Variants in WDR64 observed in about 807,000 individuals in gnomAD.
WDR64 encodes the protein WD repeat-containing protein 64.
Under a neutral mutation model 139.3 loss-of-function variants are expected in WDR64, and 112 were observed. That is an observed-to-expected ratio of 0.80 (90% CI 0.69 to 0.94). The LOEUF (loss-of-function observed/expected upper bound fraction) is 0.94. Ranked by LOEUF, WDR64 falls within the 40% of genes least tolerant of loss-of-function variation. The probability of loss-of-function intolerance (pLI) is 0.00; values close to 1 mark genes in which losing one functional copy is unlikely to be tolerated. For synonymous variants in WDR64, 444 were observed against 437.7 expected (o/e 1.01, Z -0.18); for missense variants, 1,206 against 1,293.1 (o/e 0.93, Z 1.03).
intron 14 of WDR64, among the ~76,000 whole-genome samples, chr1:241,756,955 A>G (rs901118661): frequency 1.3e-5 from 2 of 152,246 alleles, no homozygotes; most frequent in Admixed American, 6.5e-5. Context: ...GTGAAATAAG[A>G]AAGTTGAAGA....
intron 8 of WDR64, among the ~76,000 whole-genome samples, chr1:241,692,630 G>A (rs949648954): frequency 6.6e-6 from 1 of 152,198 alleles, no homozygotes; most frequent in Non-Finnish European, 1.5e-5. Context: ...CCAAGAGAAT[G>A]AGAAGACAAG....
At chr1:241,655,416 T>G (rs2148048429) in intron 1 of WDR64, among the ~76,000 whole-genome samples, 1 of 152,266 alleles carries the variant, frequency 6.6e-6, no homozygotes, top group South Asian at 2.1e-4. Flanking sequence ...ATAGTCTTTT[T>G]GCCAAGTTAA....
Position 241,687,555 on chromosome 1 carries a change from T to C in WDR64, c.934T>C (p.Ser312Pro). Reference sequence around the variant, plus strand: ...ATCCTGCTCCTTAGACAGTAATCATTCATTAGTTTTGGAATCCTTGAAGAG... The same window carrying C: ...ATCCTGCTCCTTAGACAGTAATCATCCATTAGTTTTGGAATCCTTGAAGAG... ...FGSCSLDSNH[S>P]LVLESLKRLE... The change falls in exon 8 of 28, where the codon TCA becomes CCA. Residue 312 changes from serine (S) to proline (P), a missense_variant. By Grantham distance (74) the Ser-to-Pro change is moderately conservative. Transcript: ENST00000437684. The C allele has an allele frequency of 6.2e-7, 1 of 1,612,180 alleles. No individual in the cohort carries two copies. Among genetic ancestry groups the C allele is most frequent in the Middle Eastern group, 1.6e-4 (1 of 6,062 alleles).
chr1:241,660,836 G>T (rs1235074669), intron 2 of WDR64, 176 bp downstream of exon 2: 2 of 642,098 alleles, frequency 3.1e-6, no homozygotes. Flanking sequence ...AGTGGGTAAA[G>T]TAGGTAACTA....
rs1558480914 is a variant in WDR64 at position 241,703,728 on chromosome 1, A to C, written c.975-8074A>C. On this transcript the variant is annotated intron_variant, in intron 8 of 27. Coordinates refer to ENST00000437684, the MANE Select transcript of WDR64 (RefSeq NM_001367482.1). The surrounding 1 kb of genome is among the most constrained non-coding windows in gnomAD (Gnocchi z 5.9). ...CACTGCTATAAAGATACTATCTGAG[A>C]CTCAATAATTTGTAAAGGAAAGAGG... is the stretch of plus-strand genomic sequence containing the variant. Among the ~76,000 whole-genome samples the C allele has an allele frequency of 6.6e-6, 1 of 152,140 alleles. No homozygotes were observed. The highest frequency in any genetic ancestry group is 2.1e-4 in the South Asian group (1 of 4,816).
chr1:241,719,243 A>T (rs1225602467), intron 9 of WDR64, among the ~76,000 whole-genome samples: 1 of 152,148 alleles, frequency 6.6e-6, no homozygotes, highest in Non-Finnish European at 1.5e-5. Flanking sequence ...GCTGTGATTC[A>T]TCATCCCAAC....
intron 7 of WDR64, among the ~76,000 whole-genome samples, chr1:241,686,751 C>T (rs1033301502): frequency 1.3e-5 from 2 of 152,190 alleles, no homozygotes; most frequent in African/African-American, 2.4e-5. Context: ...TCAGATTTTA[C>T]ATTGCCCAGT....
Position 241,711,792 on chromosome 1 carries a change from TGTTTTCCAGGCCTGTCAGAGA to T in WDR64, c.975-1_994del, listed in dbSNP as rs773352309. On this transcript the variant is annotated splice_acceptor_variant and splice_polypyrimidine_tract_variant and coding_sequence_variant and intron_variant, in exon 9 of 28. Coordinates refer to ENST00000437684, the MANE Select transcript of WDR64 (RefSeq NM_001367482.1). LOFTEE classifies it high-confidence loss of function. ...ATATATATGTTTTCCATCTAATTTGTGTTTTCCAGGCCTGTCAGAGAGTTTTCCATGCCAAGAGGAGCCAAC... is the reference window on the plus strand; with the variant it reads ...ATATATATGTTTTCCATCTAATTTGTGTTTTCCATGCCAAGAGGAGCCAAC... 5 of 1,613,916 alleles carry T rather than the reference TGTTTTCCAGGCCTGTCAGAGA, an allele frequency of 3.1e-6. No homozygotes were observed. Among genetic ancestry groups the T allele is most frequent in the Non-Finnish European group, 3.4e-6 (4 of 1,179,790 alleles).
Position 241,741,550 on chromosome 1 carries a change from G to C in WDR64, c.1356G>C (p.Arg452Ser). The C allele has an allele frequency of 6.2e-7, 1 of 1,612,668 alleles. No homozygotes were observed. The highest frequency in any genetic ancestry group is 8.5e-7 in the Non-Finnish European group (1 of 1,179,592). The change falls in exon 12 of 28, where the codon AGG (arginine) becomes AGC (serine). Residue 452 changes from arginine (R) to serine (S), a missense_variant. Physicochemically the swap from Arg to Ser is moderately radical, Grantham distance 110. Coordinates refer to ENST00000437684, the MANE Select transcript of WDR64 (RefSeq NM_001367482.1). ...TTATGGACATGTATCCTTTGACTAG[G>C]ATGATACAAGATACAAAACAGGTTC... ...SSVMDMYPLT[R>S]MIQDTKQVPH... is the part of the protein sequence containing the mutation.
At position 241,757,277 on chromosome 1, in the gene WDR64, T is replaced by G. The variant is rs1670229565; in HGVS notation, c.1771-6T>G. 4.4e-6 allele frequency: 7 copies of G among 1,607,750 alleles called. No homozygotes were observed. Among genetic ancestry groups the G allele is most frequent in the Non-Finnish European group, 5.9e-6 (7 of 1,177,848 alleles). Reference sequence around the variant, plus strand: ...TTTTCATGCACTCACTGGATTTCTGTTAAAGGGTAAGGAAGATGATATCTA... The same window carrying G: ...TTTTCATGCACTCACTGGATTTCTGGTAAAGGGTAAGGAAGATGATATCTA... On this transcript the variant is annotated splice_region_variant and splice_polypyrimidine_tract_variant and intron_variant, in intron 14 of 27. Transcript: ENST00000437684.
At chr1:241,735,726 A>G (rs1669282226) in intron 10 of WDR64, among the ~76,000 whole-genome samples, 1 of 150,720 alleles carries the variant, frequency 6.6e-6, no homozygotes, top group Non-Finnish European at 1.5e-5. Context: ...GTAGAAACAG[A>G]GTTTTACCAT....
At chr1:241,678,969 TTC>T (rs1666669738) in intron 5 of WDR64, among the ~76,000 whole-genome samples, 1 of 151,716 alleles carries the variant, frequency 6.6e-6, no homozygotes, top group Non-Finnish European at 1.5e-5. Context: ...AAATGGAAGC[TTC>T]TGTTTCTGTT....
intron 9 of WDR64, among the ~76,000 whole-genome samples, chr1:241,718,957 C>T (rs1046522330): frequency 5.3e-5 from 8 of 152,080 alleles, no homozygotes; most frequent in Admixed American, 4.6e-4. Flanking sequence ...CCCAAAGGCC[C>T]CCCATTTCCA....
chr1:241,746,785 T>A (rs1344530999), intron 13 of WDR64, among the ~76,000 whole-genome samples: 4 of 142,256 alleles, frequency 2.8e-5, no homozygotes, highest in African/African-American at 1.1e-4. Context: ...TGTGATGGAG[T>A]CTTGCTTTGT....
chr1:241,784,539 C>T (rs1157766512), intron 23 of WDR64, among the ~76,000 whole-genome samples: 3 of 152,056 alleles, frequency 2.0e-5, no homozygotes. Flanking sequence ...ATACAGGGCT[C>T]TAAAAGAGGA....
intron 4 of WDR64, among the ~76,000 whole-genome samples, chr1:241,675,248 C>A (rs1296367011): frequency 2.4e-5 from 3 of 123,974 alleles, no homozygotes; most frequent in Non-Finnish European, 3.4e-5. Context: ...TTCCTCCCTC[C>A]TTCCTTCCTC....
chr1:241,770,290 G>T (rs1044544948), intron 17 of WDR64, among the ~76,000 whole-genome samples: 7 of 152,218 alleles, frequency 4.6e-5, no homozygotes, highest in Admixed American at 3.9e-4. Context: ...GGCTTGTAAG[G>T]TCCCCCCACC....
intron 15 of WDR64, among the ~76,000 whole-genome samples, chr1:241,760,128 A>G (rs898613266): frequency 1.3e-5 from 2 of 152,214 alleles, no homozygotes; most frequent in African/African-American, 4.8e-5. Context: ...ATCAATGGAT[A>G]CTTGGGTTGC....
At chr1:241,664,658 A>G (rs899242939) in intron 2 of WDR64, among the ~76,000 whole-genome samples, 2 of 152,136 alleles carry the variant, frequency 1.3e-5, no homozygotes, top group African/African-American at 4.8e-5. Flanking sequence ...TTCCCTTTCT[A>G]GCTAGAACAT....
Sources: allele counts gnomAD v4.1 joint callset (sites outside exome capture counted in the v4.1 genomes callset), GRCh38; gene constraint gnomAD v4.1.1; non-coding constraint Gnocchi (gnomAD v3.1); transcripts MANE v1.5; gene names NCBI Gene and HGNC (gene_info 2026-07-23, HGNC 2026-07-21).